Variants in AGBL4 observed in about 807,000 individuals in gnomAD.
AGBL4 encodes AGBL carboxypeptidase 4, also known as cytosolic carboxypeptidase 6.
In AGBL4, 58 loss-of-function variants were observed where a neutral mutation model predicts 66.4. The observed-to-expected ratio is 0.87, with a 90% confidence interval of 0.71 to 1.09. The LOEUF is 1.09. Among genes scored for constraint, AGBL4 ranks in the 50% least tolerant of loss-of-function variants. The pLI is 0.00. For synonymous variants in AGBL4, 234 were observed against 222.9 expected, an observed-to-expected ratio of 1.05 and a Z score of -0.44; for missense variants, 579 against 631.0, an observed-to-expected ratio of 0.92 and a Z score of 0.88.
At chr1:49,380,951 T>C (rs7512543) in intron 3 of AGBL4, among the ~76,000 whole-genome samples, 92,719 of 151,978 alleles carry the variant, frequency 0.61, 28,952 homozygotes, top group Middle Eastern at 0.67. Context: ...ACTTCATGTC[T>C]AAAACACCAA....
At chr1:49,434,518 T>C (rs1557937198) in intron 3 of AGBL4, among the ~76,000 whole-genome samples, 1 of 152,178 alleles carries the variant, frequency 6.6e-6, no homozygotes, top group East Asian at 1.9e-4. Flanking sequence ...TAAGGCTAGA[T>C]TGAGAGAAAC....
chr1:49,941,601 C>T (rs568687231), intron 1 of AGBL4, among the ~76,000 whole-genome samples: 136 of 151,816 alleles, frequency 9.0e-4, no homozygotes, highest in Non-Finnish European at 1.5e-3. Flanking sequence ...ATGTGATGTA[C>T]CCATTAATAG....
intron 2 of AGBL4, among the ~76,000 whole-genome samples, chr1:49,728,499 G>T (rs1288557433): frequency 2.6e-5 from 4 of 152,196 alleles, no homozygotes; most frequent in Admixed American, 2.6e-4. Context: ...GTTCCCAGAG[G>T]AAGTGCACTT....
chr1:48,558,734 C>T (rs188537127), intron 11 of AGBL4, among the ~76,000 whole-genome samples: 2 of 152,274 alleles, frequency 1.3e-5, no homozygotes, highest in Admixed American at 1.3e-4. Flanking sequence ...TCAGACCAAG[C>T]CTTGATGATG....
At chr1:48,526,375 A>C in the AGBL4 span, among the ~76,000 whole-genome samples, 1 of 152,192 alleles carries the variant, frequency 6.6e-6, no homozygotes, top group Non-Finnish European at 1.5e-5. Flanking sequence ...CTGTGTCTTT[A>C]GCAGGGAAAT....
chr1:49,123,499 CA>C, intron 4 of AGBL4, among the ~76,000 whole-genome samples: 1 of 152,228 alleles, frequency 6.6e-6, no homozygotes, highest in South Asian at 2.1e-4. Flanking sequence ...TGAATCAAGC[CA>C]AGTTTCAAGA....
chr1:48,990,611 T>C (rs904918488), intron 5 of AGBL4, among the ~76,000 whole-genome samples: 5 of 152,144 alleles, frequency 3.3e-5, no homozygotes, highest in African/African-American at 4.8e-5. Flanking sequence ...GCATATGATA[T>C]GCAGTTTTCC....
intron 9 of AGBL4, among the ~76,000 whole-genome samples, chr1:48,605,659 C>T (rs1388737343): frequency 6.6e-6 from 1 of 152,176 alleles, no homozygotes; most frequent in African/African-American, 2.4e-5. Context: ...TTTAATAGGT[C>T]CAACATCTAG....
In AGBL4 at chr1:48,911,774, A is replaced by G. The variant is rs547333461; in HGVS notation, c.595-44544T>C. On this transcript the variant is annotated intron_variant, in intron 5 of 13. Coordinates refer to ENST00000371839, the MANE Select transcript of AGBL4 (RefSeq NM_032785.4). ...CATCCAAATTATTATAGTTCATATT[A>G]TTAGCAATGGCTGGCTCCAGTGCTA... is the stretch of plus-strand genomic sequence containing the variant. 1.7e-3 allele frequency among the ~76,000 whole-genome samples: 261 copies of G among 152,348 alleles called. 1 individual carries two copies. The highest frequency in any genetic ancestry group is 5.9e-3 in the African/African-American group (246 of 41,586).
chr1:49,943,925 A>T (rs1654989324), intron 1 of AGBL4, among the ~76,000 whole-genome samples: 1 of 151,988 alleles, frequency 6.6e-6, no homozygotes, highest in African/African-American at 2.4e-5. Context: ...CTGGAAACAG[A>T]CTCAGTGCTG....
At chr1:49,654,314 T>A (rs1446343097) in intron 3 of AGBL4, among the ~76,000 whole-genome samples, 1 of 152,230 alleles carries the variant, frequency 6.6e-6, no homozygotes, top group East Asian at 1.9e-4. Flanking sequence ...TCTGTTCTTT[T>A]ACATTTGCTG....
chr1:49,624,002 A>AGT (rs34356093), intron 3 of AGBL4, among the ~76,000 whole-genome samples: 16,146 of 149,348 alleles, frequency 0.11, 988 homozygotes, highest in East Asian at 0.27. Flanking sequence ...GATGAGAGAG[A>AGT]GTGTGTGTGT....
chr1:49,795,642 T>G (rs1380295161), intron 2 of AGBL4, among the ~76,000 whole-genome samples: 1 of 151,808 alleles, frequency 6.6e-6, no homozygotes, highest in African/African-American at 2.4e-5. Context: ...TGTGTGTGTA[T>G]GTGTGTGTGT....
At chr1:49,790,106 C>G in intron 2 of AGBL4, among the ~76,000 whole-genome samples, 1 of 152,056 alleles carries the variant, frequency 6.6e-6, no homozygotes, top group South Asian at 2.1e-4. Flanking sequence ...AGGCCAGGCA[C>G]GGTGGCTCAC....
intron 3 of AGBL4, among the ~76,000 whole-genome samples, chr1:49,678,868 G>A (rs1288161840): frequency 2.0e-5 from 3 of 152,158 alleles, no homozygotes; most frequent in South Asian, 2.1e-4. Context: ...TTTTTAAGGT[G>A]TATTTAATGT....
intron 5 of AGBL4, among the ~76,000 whole-genome samples, chr1:48,983,552 A>G (rs544759140): frequency 6.6e-6 from 1 of 152,212 alleles, no homozygotes; most frequent in African/African-American, 2.4e-5. Flanking sequence ...AAAAAACCTT[A>G]TCCTAAGTAG....
At chr1:49,947,086 C>T (rs564997996) in intron 1 of AGBL4, among the ~76,000 whole-genome samples, 2 of 151,580 alleles carry the variant, frequency 1.3e-5, no homozygotes, top group Non-Finnish European at 3.0e-5. Flanking sequence ...CAAGACCAGA[C>T]GGATTCACAG....
At chr1:48,603,527 G>A (rs142742667) in intron 9 of AGBL4, among the ~76,000 whole-genome samples, 3 of 152,094 alleles carry the variant, frequency 2.0e-5, no homozygotes, top group African/African-American at 4.8e-5. Flanking sequence ...GGACACAGAG[G>A]GGGGTGAGGA....
intron 3 of AGBL4, among the ~76,000 whole-genome samples, chr1:49,392,868 AAT>A (rs1644880054): frequency 6.6e-6 from 1 of 152,246 alleles, no homozygotes; most frequent in Admixed American, 6.5e-5. Context: ...TTTTCATGAG[AAT>A]ATATGATTTT....
Sources: allele counts gnomAD v4.1 joint callset (sites outside exome capture counted in the v4.1 genomes callset), GRCh38; gene constraint gnomAD v4.1.1; transcripts MANE v1.5; gene names NCBI Gene and HGNC (gene_info 2026-07-23, HGNC 2026-07-21).